Variants in NECAP2 observed in about 807,000 individuals in gnomAD.
The protein encoded by NECAP2 is NECAP endocytosis associated 2, also known as adaptin ear-binding coat-associated protein 2.
NECAP2 carries 38 observed loss-of-function variants against 37.8 expected under a neutral mutation model. The observed-to-expected ratio is 1.01, with a 90% CI of 0.78 to 1.32. The LOEUF is 1.32. NECAP2 is among the 40% of genes most tolerant of loss of function. The pLI is 0.00. For missense variants in NECAP2, 316 were observed against 334.5 expected (o/e 0.94, Z 0.43); for synonymous variants, 121 against 127.7 (o/e 0.95, Z 0.35).
chr1:16,446,117 A>C (rs946093526), intron 2 of NECAP2, among the ~76,000 whole-genome samples: 1 of 152,170 alleles, frequency 6.6e-6, no homozygotes, highest in Non-Finnish European at 1.5e-5. Context: ...TTGAGGCAGG[A>C]GAATCGCTTG....
chr1:16,454,691 C>T (rs935576766), intron 6 of NECAP2, among the ~76,000 whole-genome samples: 1 of 152,162 alleles, frequency 6.6e-6, no homozygotes, highest in Non-Finnish European at 1.5e-5. Flanking sequence ...CTTCTCCATG[C>T]CTCATTTTTC....
intron 4 of NECAP2, 29 bp downstream of exon 4, chr1:16,448,170 T>G: frequency 5.1e-6 from 8 of 1,581,322 alleles, no homozygotes; most frequent in Non-Finnish European, 7.0e-6. Context: ...CACACGCTCA[T>G]GCCCCTCCCT....
Position 16,455,903 on chromosome 1 carries a change from G to A in NECAP2, c.743+10G>A, listed in dbSNP as rs768905895. On this transcript the variant is annotated intron_variant, in intron 7 of 7. Transcript: ENST00000337132. Reference sequence around the variant, plus strand: ...TTACCAAATCTACAGGGTAAGGAGGGCCATGTTCTGCGGAGGGGCTGGGGC... The same window carrying A: ...TTACCAAATCTACAGGGTAAGGAGGACCATGTTCTGCGGAGGGGCTGGGGC... The A allele has an allele frequency of 1.9e-6, 3 of 1,611,366 alleles. No individual in the cohort carries two copies. Among genetic ancestry groups the A allele is most frequent in the Admixed American group, 3.3e-5 (2 of 60,010 alleles).
In NECAP2 at chr1:16,458,957, G is replaced by A; in HGVS notation, c.*67G>A. On this transcript the variant is annotated 3_prime_UTR_variant, in exon 8 of 8. Transcript: ENST00000337132. ...TCCCTCATCTGGGCCAAAGGAAGGA[G>A]GACGAAGCCCTCCTCAGCTGGCCTG... The A allele has an allele frequency of 6.2e-7, 1 of 1,613,628 alleles. No homozygotes were observed.
At chr1:16,455,511 C>T in intron 6 of NECAP2, 1 of 344,600 alleles carries the variant, frequency 2.9e-6, no homozygotes, top group Non-Finnish European at 5.4e-6. Context: ...ACAAAGTCAG[C>T]TTCAGGTATG....
At position 16,449,080 on chromosome 1, in the gene NECAP2, G is replaced by A; in HGVS notation, c.381-13G>A. On this transcript the variant is annotated splice_polypyrimidine_tract_variant and intron_variant, in intron 4 of 7. Coordinates refer to ENST00000337132, the MANE Select transcript of NECAP2 (RefSeq NM_018090.5). ...CTTCCTTCCTCACCTTTTTCCTCAT[G>A]TTCTCTCCCCAGGTGGGTGAAACAG... The A allele has an allele frequency of 1.9e-6, 3 of 1,594,976 alleles. No individual in the cohort carries two copies. Among genetic ancestry groups the A allele is most frequent in the Non-Finnish European group, 2.6e-6 (3 of 1,166,930 alleles).
chr1:16,454,230 T>G (rs1265158590), intron 6 of NECAP2, among the ~76,000 whole-genome samples: 2 of 150,516 alleles, frequency 1.3e-5, no homozygotes, highest in African/African-American at 4.9e-5. Context: ...TGGCTAATTT[T>G]GTATTTTTAG....
At chr1:16,456,335 G>A (rs567299031) in intron 7 of NECAP2, among the ~76,000 whole-genome samples, 1 of 152,282 alleles carries the variant, frequency 6.6e-6, no homozygotes, top group African/African-American at 2.4e-5. Flanking sequence ...TGATTTGGAT[G>A]TTTTCAAGCT....
At chr1:16,458,329 T>C (rs1036305205) in intron 7 of NECAP2, among the ~76,000 whole-genome samples, 2 of 152,096 alleles carry the variant, frequency 1.3e-5, no homozygotes, top group African/African-American at 4.8e-5. Context: ...CGGCCAGGCA[T>C]GTTGGCTCAC....
intron 6 of NECAP2, 112 bp downstream of exon 6, chr1:16,452,127 C>T: frequency 1.8e-6 from 2 of 1,103,406 alleles, no homozygotes; most frequent in South Asian, 1.6e-5. Flanking sequence ...TCATGTAGTA[C>T]CTGTCCGTGT....
At chr1:16,452,830 G>A (rs927105678) in intron 6 of NECAP2, among the ~76,000 whole-genome samples, 18 of 151,542 alleles carry the variant, frequency 1.2e-4, no homozygotes, top group Non-Finnish European at 2.2e-4. Flanking sequence ...CAGGCTGGGC[G>A]ATTGTCACCA....
intron 6 of NECAP2, among the ~76,000 whole-genome samples, chr1:16,452,299 C>A (rs991677247): frequency 1.3e-5 from 2 of 152,118 alleles, no homozygotes; most frequent in Non-Finnish European, 2.9e-5. Flanking sequence ...AGTGTCTGCT[C>A]AGTGGGTATT....
chr1:16,458,079 G>A (rs973332062), intron 7 of NECAP2, among the ~76,000 whole-genome samples: 1 of 152,146 alleles, frequency 6.6e-6, no homozygotes, highest in Non-Finnish European at 1.5e-5. Context: ...TACATGTGAT[G>A]TTAACATCGT....
At chr1:16,443,568 T>G (rs910366573) in intron 1 of NECAP2, 64 bp from the exon 2 acceptor site, 26 of 1,256,510 alleles carry the variant, frequency 2.1e-5, no homozygotes, top group Non-Finnish European at 2.8e-5. Flanking sequence ...CCCTTTCCAT[T>G]CCCAGCATTG....
At chr1:16,442,059 A>G (rs1570251001) in intron 1 of NECAP2, among the ~76,000 whole-genome samples, 1 of 150,044 alleles carries the variant, frequency 6.7e-6, no homozygotes, top group African/African-American at 2.5e-5. Context: ...GCTCACTGCA[A>G]CCTCCGCCTC....
At chr1:16,453,285 T>C (rs1174817985) in intron 6 of NECAP2, among the ~76,000 whole-genome samples, 1 of 151,220 alleles carries the variant, frequency 6.6e-6, no homozygotes, top group Non-Finnish European at 1.5e-5. Flanking sequence ...AATTTTGTAA[T>C]TTTAGTAGAG....
intron 2 of NECAP2, among the ~76,000 whole-genome samples, chr1:16,444,819 A>G (rs2086736371): frequency 6.6e-6 from 1 of 152,068 alleles, no homozygotes; most frequent in South Asian, 2.1e-4. Flanking sequence ...CTGCGACTTT[A>G]TTTTAAAAAA....
At chr1:16,446,796 A>G (rs887380297) in intron 2 of NECAP2, among the ~76,000 whole-genome samples, 1 of 152,082 alleles carries the variant, frequency 6.6e-6, no homozygotes, top group Admixed American at 6.5e-5. Flanking sequence ...GCAGTGGCTC[A>G]CGCCTGTAAT....
At chr1:16,443,501 T>C in intron 1 of NECAP2, 131 bp from the exon 2 acceptor site, 6 of 698,544 alleles carry the variant, frequency 8.6e-6, no homozygotes, top group South Asian at 1.7e-5. Flanking sequence ...GCCAAAGATA[T>C]TTACTGTCTG....
Sources: gnomAD v4.1 joint callset for allele counts (sites outside exome capture counted in the v4.1 genomes callset) on GRCh38, gnomAD v4.1.1 for gene constraint, MANE v1.5 for transcripts, NCBI Gene and HGNC (gene_info 2026-07-23, HGNC 2026-07-21) for gene names.